Variants in CDC123 observed in about 807,000 individuals in gnomAD.
CDC123 encodes translation initiation factor eIF2 assembly protein.
Under a neutral mutation model 54.4 loss-of-function variants are expected in CDC123, and 37 were observed. The observed-to-expected ratio is 0.68, with a 90% CI of 0.52 to 0.89. The LOEUF is 0.89. Among genes scored for constraint, CDC123 ranks in the 40% least tolerant of loss-of-function variants. CDC123 has a pLI of 0.00. For synonymous variants in CDC123, 144 were observed against 136.8 expected (o/e 1.05, Z -0.37); for missense variants, 361 against 412.1 (o/e 0.88, Z 1.07).
chr10:12,212,220 G>A (rs1835612320), intron 4 of CDC123, among the ~76,000 whole-genome samples: 1 of 152,192 alleles, frequency 6.6e-6, no homozygotes, highest in South Asian at 2.1e-4. Flanking sequence ...TAACATCCTG[G>A]TAGCAGTGAG....
At chr10:12,246,114 T>C (rs751420380) in intron 10 of CDC123, 35 bp from the exon 11 acceptor site, 158 of 1,601,246 alleles carry the variant, frequency 9.9e-5, no homozygotes, top group Non-Finnish European at 1.3e-4. Flanking sequence ...GTACAGAAGA[T>C]GTTTGTTTTT....
At chr10:12,198,512 T>G (rs1196694893) in intron 1 of CDC123, among the ~76,000 whole-genome samples, 193 bp from the exon 2 acceptor site, 8 of 152,208 alleles carry the variant, frequency 5.3e-5, no homozygotes, top group Admixed American at 5.2e-4. Flanking sequence ...CAAAGACCAT[T>G]GTGGCAATAA....
chr10:12,245,347 C>T (rs1344286381), intron 10 of CDC123: 2 of 152,134 alleles, frequency 1.3e-5, no homozygotes, highest in African/African-American at 4.8e-5. Flanking sequence ...CCTTGACCTC[C>T]TGGGCTCAAG....
At chr10:12,222,224 G>A (rs1316361768) in intron 6 of CDC123, among the ~76,000 whole-genome samples, 1 of 152,234 alleles carries the variant, frequency 6.6e-6, no homozygotes, top group African/African-American at 2.4e-5. Flanking sequence ...GACAGCTAGT[G>A]CTGTCTCCCT....
intron 7 of CDC123, among the ~76,000 whole-genome samples, chr10:12,231,493 TG>T (rs1361442909): frequency 6.6e-6 from 1 of 151,938 alleles, no homozygotes; most frequent in Non-Finnish European, 1.5e-5. Flanking sequence ...GGTGTGGTAG[TG>T]GTGGCCTGTA....
chr10:12,209,698 G>T (rs867589382), intron 2 of CDC123, among the ~76,000 whole-genome samples: 10 of 152,238 alleles, frequency 6.6e-5, no homozygotes, highest in Non-Finnish European at 1.0e-4. Context: ...CCAAATAGCT[G>T]GGACTACAGG....
chr10:12,218,903 CA>C (rs1227480339), intron 6 of CDC123, among the ~76,000 whole-genome samples: 3 of 152,222 alleles, frequency 2.0e-5, no homozygotes, highest in African/African-American at 7.2e-5. Context: ...CTTCAAATAG[CA>C]GCTATTTTTC....
intron 6 of CDC123, among the ~76,000 whole-genome samples, chr10:12,219,771 G>A (rs985610127): frequency 5.4e-5 from 8 of 148,630 alleles, no homozygotes; most frequent in African/African-American, 7.4e-5. Flanking sequence ...TGCAACCTCC[G>A]CCTCCTGGGT....
chr10:12,210,112 C>G (rs1342859095), intron 3 of CDC123, 88 bp downstream of exon 3: 5 of 1,485,460 alleles, frequency 3.4e-6, no homozygotes, highest in Non-Finnish European at 4.7e-6. Flanking sequence ...TCTTATCTTA[C>G]ATCTGATAAA....
At chr10:12,237,749 A>G (rs1026599405) in intron 9 of CDC123, among the ~76,000 whole-genome samples, 1 of 152,112 alleles carries the variant, frequency 6.6e-6, no homozygotes, top group Non-Finnish European at 1.5e-5. Context: ...ATTTCATCTT[A>G]TTTAACTAAA....
chr10:12,229,051 G>A (rs933186827), intron 6 of CDC123, among the ~76,000 whole-genome samples: 2 of 152,092 alleles, frequency 1.3e-5, no homozygotes, highest in Non-Finnish European at 2.9e-5. Context: ...AAGTGATCTT[G>A]CCTCCGCCTC....
chr10:12,214,713 C>T (rs1442715573), intron 4 of CDC123, among the ~76,000 whole-genome samples: 1 of 152,110 alleles, frequency 6.6e-6, no homozygotes. Flanking sequence ...TCTCGCATAG[C>T]TGGGTTAGAT....
chr10:12,236,762 C>T (rs1354850991), intron 8 of CDC123, among the ~76,000 whole-genome samples: 1 of 152,040 alleles, frequency 6.6e-6, no homozygotes, highest in East Asian at 1.9e-4. Context: ...GGTGTGGTGG[C>T]AGGCGCCCGT....
intron 6 of CDC123, among the ~76,000 whole-genome samples, chr10:12,222,965 C>T (rs1835756745): frequency 6.6e-6 from 1 of 151,888 alleles, no homozygotes. Flanking sequence ...GATCGTGGCT[C>T]ACTGCAAGCT....
chr10:12,222,018 G>C (rs2131745200), intron 6 of CDC123, among the ~76,000 whole-genome samples: 1 of 152,298 alleles, frequency 6.6e-6, no homozygotes, highest in Admixed American at 6.5e-5. Context: ...CCTGGAGGGG[G>C]CCTAAGCAGA....
At chr10:12,231,965 C>G (rs1411544577) in intron 7 of CDC123, among the ~76,000 whole-genome samples, 1 of 152,108 alleles carries the variant, frequency 6.6e-6, no homozygotes, top group East Asian at 1.9e-4. Flanking sequence ...CCTGCCTCAG[C>G]CTCCCGAGTA....
At chr10:12,243,807 A>G (rs1030912304) in intron 10 of CDC123, among the ~76,000 whole-genome samples, 5 of 152,086 alleles carry the variant, frequency 3.3e-5, no homozygotes, top group Non-Finnish European at 2.9e-5. Flanking sequence ...AAGAAAGTCA[A>G]GTAGAAAAGA....
In CDC123 at chr10:12,210,298, T is replaced by C. The variant is rs758661336; in HGVS notation, c.213T>C (p.Asp71=). The C allele has an allele frequency of 1.9e-6, 3 of 1,614,174 alleles. No homozygotes were observed. The South Asian group carries it at 3.3e-5, about 18-fold the overall frequency. The change falls in exon 4 of 13, where the codon GAT becomes GAC. Residue 71 remains aspartate, a synonymous_variant. Transcript: ENST00000281141. ...TCCTCTTTTTCATGCAGTGGTCTGATGATGAGAACACAGCCACGCTTACGG... is the reference window on the plus strand; with the variant it reads ...TCCTCTTTTTCATGCAGTGGTCTGACGATGAGAACACAGCCACGCTTACGG... ...DDEAEEIQWS[D]DENTATLTAP... is the part of the protein sequence containing the mutation.
At chr10:12,249,466 C>G (rs1158174724) in intron 11 of CDC123, 115 bp from the exon 12 acceptor site, 2 of 1,061,750 alleles carry the variant, frequency 1.9e-6, no homozygotes, top group Non-Finnish European at 2.7e-6. Context: ...TTCTCCTCAT[C>G]AAGTACAGAG....
Sources: allele counts gnomAD v4.1 joint callset (sites outside exome capture counted in the v4.1 genomes callset), GRCh38; gene constraint gnomAD v4.1.1; transcripts MANE v1.5; gene names NCBI Gene and HGNC (gene_info 2026-07-23, HGNC 2026-07-21).